ST7: variants seen among roughly 807,000 people sequenced by gnomAD.
ST7 encodes suppression of tumorigenicity 7.
A neutral mutation model predicts 78.7 loss-of-function variants in ST7; 28 were observed. That is an observed-to-expected ratio of 0.36 (90% confidence interval 0.26 to 0.49). The LOEUF is 0.49. Among genes scored for constraint, ST7 ranks in the 20% least tolerant of loss-of-function variants. ST7 has a pLI of 0.99. For synonymous variants in ST7, 247 were observed against 249.6 expected, an observed-to-expected ratio of 0.99 and a Z score of 0.10; for missense variants, 418 against 696.0, an observed-to-expected ratio of 0.60 and a Z score of 4.49.
intron 1 of ST7, among the ~76,000 whole-genome samples, chr7:116,985,050 T>C (rs1429366449): frequency 6.6e-6 from 1 of 152,188 alleles, no homozygotes. Flanking sequence ...GAGGCTCTCC[T>C]ATATAAAGTT....
At chr7:117,091,021 C>G (rs1323477190) in intron 1 of ST7, among the ~76,000 whole-genome samples, 1 of 152,224 alleles carries the variant, frequency 6.6e-6, no homozygotes, top group East Asian at 1.9e-4. Context: ...AGCTCCACTC[C>G]TCAGCAGAGC....
chr7:117,151,045 G>A (rs191539370), intron 9 of ST7, among the ~76,000 whole-genome samples: 31 of 152,314 alleles, frequency 2.0e-4, no homozygotes, highest in Middle Eastern at 6.8e-3. Flanking sequence ...CAACAGCACT[G>A]CTGAAATCCT....
At position 117,085,304 on chromosome 7, in the gene ST7, C is replaced by T. The variant is rs569458006; in HGVS notation, c.152-14458C>T. ...GCAGCTGTTGGTCTGTCTCATGTTA[C>T]ATTCCCATCATTTATGTATCTGGTT... is the stretch of plus-strand genomic sequence containing the variant. On this transcript the variant is annotated intron_variant, in intron 1 of 15. Transcript: ENST00000323984. Among the ~76,000 whole-genome samples, 5 of 152,256 alleles carry T rather than the reference C, an allele frequency of 3.3e-5. No individual in the cohort carries two copies. The South Asian group carries it at 1.0e-3, about 32-fold the overall frequency.
intron 13 of ST7, among the ~76,000 whole-genome samples, chr7:117,215,811 G>GGGCTCACCTTTGTGTGCTT (rs1277333661): frequency 2.6e-5 from 4 of 152,142 alleles, no homozygotes; most frequent in African/African-American, 9.7e-5. Context: ...AGTGTGTGCT[G>GGGCTCACCTTTGTGTGCTT]GGCTCACCTT....
chr7:117,116,147 G>A (rs571639903), intron 2 of ST7, among the ~76,000 whole-genome samples: 31 of 152,236 alleles, frequency 2.0e-4, no homozygotes, highest in African/African-American at 5.8e-4. Flanking sequence ...TTTAGTTCTC[G>A]TCTTACTTGA....
At position 117,004,309 on chromosome 7, in the gene ST7, C is replaced by T. The variant is rs1159088331; in HGVS notation, c.151+50618C>T. ...TCTTTGACCTTGCCTTCGTGTTATC[C>T]ACTTGGCTCTGAATTGTACCATTTC... On this transcript the variant is annotated intron_variant, in intron 1 of 15. Coordinates refer to ENST00000323984, the MANE Select transcript of ST7 (RefSeq NM_001369598.1). Among the ~76,000 whole-genome samples the T allele has an allele frequency of 1.3e-5, 2 of 152,094 alleles. 1 individual carries two copies. The highest frequency in any genetic ancestry group is 2.9e-5 in the Non-Finnish European group (2 of 68,018).
chr7:116,998,894 C>A (rs761280406), intron 1 of ST7, among the ~76,000 whole-genome samples: 1 of 152,194 alleles, frequency 6.6e-6, no homozygotes, highest in African/African-American at 2.4e-5. Flanking sequence ...AGAATGAGAA[C>A]AAGCTATCTC....
At chr7:116,973,227 G>A (rs775415615) in intron 1 of ST7, among the ~76,000 whole-genome samples, 1 of 151,722 alleles carries the variant, frequency 6.6e-6, no homozygotes, top group Non-Finnish European at 1.5e-5. Flanking sequence ...GGCTCATCTT[G>A]TGTATTTCTT....
At chr7:116,966,613 G>A (rs1471941435) in intron 1 of ST7, among the ~76,000 whole-genome samples, 1 of 152,108 alleles carries the variant, frequency 6.6e-6, no homozygotes, top group Non-Finnish European at 1.5e-5. Flanking sequence ...CTGATACTTG[G>A]CTTTATGGAA....
intron 9 of ST7, among the ~76,000 whole-genome samples, chr7:117,161,498 A>C (rs1013872966): frequency 1.3e-5 from 2 of 151,504 alleles, no homozygotes; most frequent in East Asian, 3.9e-4. Context: ...AATAATATAG[A>C]TAAAGCTGTG....
chr7:117,106,569 C>T (rs1176409289), intron 2 of ST7, among the ~76,000 whole-genome samples: 2 of 150,362 alleles, frequency 1.3e-5, no homozygotes, highest in Non-Finnish European at 3.0e-5. Flanking sequence ...CCCTCACCCT[C>T]TTCCCACTCT....
intron 1 of ST7, among the ~76,000 whole-genome samples, chr7:117,026,616 T>C (rs1391923354): frequency 6.6e-6 from 1 of 152,224 alleles, no homozygotes; most frequent in Admixed American, 6.5e-5. Flanking sequence ...AGCAACTAAT[T>C]GCAGAGACTC....
intron 1 of ST7, among the ~76,000 whole-genome samples, chr7:117,009,258 TTTTTTTTTTTTTG>T (rs1001696951): frequency 1.3e-3 from 13 of 10,302 alleles, no homozygotes; most frequent in Non-Finnish European, 3.0e-3. Context: ...TTTTTTTTTG[TTTTTTTTTTTTTG>T]TTTTTGGCCT....
chr7:116,977,496 A>G (rs1224391630), intron 1 of ST7, among the ~76,000 whole-genome samples: 1 of 152,160 alleles, frequency 6.6e-6, no homozygotes. Context: ...AATATAATCT[A>G]ATTTGTGCTG....
At chr7:117,005,298 C>G (rs1795111190) in intron 1 of ST7, among the ~76,000 whole-genome samples, 1 of 151,900 alleles carries the variant, frequency 6.6e-6, no homozygotes, top group African/African-American at 2.4e-5. Context: ...TTGATGTTAA[C>G]AAGTCACATG....
intron 2 of ST7, among the ~76,000 whole-genome samples, chr7:117,104,462 C>T (rs1801804382): frequency 6.6e-6 from 1 of 152,108 alleles, no homozygotes; most frequent in South Asian, 2.1e-4. Context: ...AAAACAAAAA[C>T]TGGGTGTAAC....
At chr7:117,089,088 A>G (rs1230621071) in intron 1 of ST7, among the ~76,000 whole-genome samples, 1 of 152,216 alleles carries the variant, frequency 6.6e-6, no homozygotes, top group Non-Finnish European at 1.5e-5. Context: ...TCTCAAGGAA[A>G]CATTCCTTTA....
intron 12 of ST7, among the ~76,000 whole-genome samples, chr7:117,195,514 A>C (rs1810226172): frequency 6.6e-6 from 1 of 152,252 alleles, no homozygotes; most frequent in Non-Finnish European, 1.5e-5. Flanking sequence ...TATAGAGGAA[A>C]GAGGTTTAAT....
At chr7:116,997,359 AGAGCTGATTGGTCTGTTTTACAGG>A (rs920162418) in intron 1 of ST7, among the ~76,000 whole-genome samples, 7 of 152,122 alleles carry the variant, frequency 4.6e-5, no homozygotes, top group South Asian at 2.1e-4. Flanking sequence ...CATTTTACAG[AGAGCTGATTGGTCTGTTTTACAGG>A]GAGCTGATTG....
Sources: allele counts gnomAD v4.1 joint callset (sites outside exome capture counted in the v4.1 genomes callset), GRCh38; gene constraint gnomAD v4.1.1; transcripts MANE v1.5; gene names NCBI Gene and HGNC (gene_info 2026-07-23, HGNC 2026-07-21).